The following SS18L1 variants were observed in gnomAD, a reference collection of about 807,000 sequenced individuals.
SS18L1 encodes calcium-responsive transactivator.
A neutral mutation model predicts 70.3 loss-of-function variants in SS18L1; 32 were observed. The ratio of observed to expected loss-of-function variants is 0.46; its 90% CI spans 0.34 to 0.61. The LOEUF is 0.61. Among genes scored for constraint, SS18L1 ranks in the 20% least tolerant of loss-of-function variants. SS18L1 has a pLI of 0.01. For synonymous variants in SS18L1, 237 were observed against 229.7 expected (o/e 1.03, Z -0.29); for missense variants, 430 against 542.1 (o/e 0.79, Z 2.05).
chr20:62,158,318 C>T lies in SS18L1; in HGVS notation c.70-354C>T, dbSNP rs754228950. 2.6e-5 allele frequency among the ~76,000 whole-genome samples: 4 copies of T among 151,836 alleles called. No individual in the cohort carries two copies. Among genetic ancestry groups the T allele is most frequent in the Admixed American group, 6.6e-5 (1 of 15,190 alleles). On this transcript the variant is annotated intron_variant, in intron 1 of 10. Coordinates refer to ENST00000331758, the MANE Select transcript of SS18L1 (RefSeq NM_198935.3). The surrounding 1 kb of genome is among the most constrained non-coding windows in gnomAD (Gnocchi z 4.5). ...CCCAGCACAGGGAGGTGTGAATGTT[C>T]GGTCTGTGGTGGCTGAGGCAATGCA...
At position 62,143,829 on chromosome 20, in the gene SS18L1, G is replaced by A. The variant is rs780273133; in HGVS notation, c.9G>A (p.Val3=). 7.4e-7 allele frequency: 1 copy of A among 1,344,604 alleles called. No individual in the cohort carries two copies. Among genetic ancestry groups the A allele is most frequent in the East Asian group, 4.1e-5 (1 of 24,560 alleles). The allele number at this position is 1,344,604 out of a possible 1,614,324, so 83.3% of individuals were successfully genotyped here. A position where few individuals can be genotyped will look rare whatever the true frequency, so the allele number is the denominator to read the frequency against. The change falls in exon 1 of 11, where the codon GTG becomes GTA. Residue 3 remains valine, a synonymous_variant. Transcript: ENST00000331758. Reference sequence around the variant, plus strand: ...AGCCCCGCGCCGCCACCATGTCCGTGGCCTTCGCGTCTGCCCGGCCAAGAG... The same window carrying A: ...AGCCCCGCGCCGCCACCATGTCCGTAGCCTTCGCGTCTGCCCGGCCAAGAG... MS[V]AFASARPRGK...
Position 62,161,291 on chromosome 20 carries a change from C to G in SS18L1, c.232-145C>G. 8.6e-7 allele frequency: 1 copy of G among 1,158,382 alleles called. No individual in the cohort carries two copies. The highest frequency in any genetic ancestry group is 1.4e-5 in the South Asian group (1 of 72,244). 71.8% of individuals were successfully genotyped at this position (1,158,382 alleles called of 1,614,324 possible). The stretch of plus-strand genomic sequence containing the variant: ...GTGCTCTGCGGTCACCTGGCTGTGA[C>G]GATGGCTGCTGATTACGAACATTGA... On this transcript the variant is annotated intron_variant, in intron 3 of 10. Transcript: ENST00000331758. The surrounding 1 kb of genome is among the most constrained non-coding windows in gnomAD (Gnocchi z 4.4).
rs2057337164 is a variant in SS18L1, at chr20:62,161,875, A to C, written c.376+295A>C. Among the ~76,000 whole-genome samples the C allele has an allele frequency of 6.6e-6, 1 of 152,228 alleles. No individual in the cohort carries two copies. The highest frequency in any genetic ancestry group is 1.9e-4 in the East Asian group (1 of 5,200). On this transcript the variant is annotated intron_variant, in intron 4 of 10. Transcript: ENST00000331758. The surrounding 1 kb of genome is among the most constrained non-coding windows in gnomAD (Gnocchi z 4.4). ...AGGTGGATTGTGTAATAGGAATGGA[A>C]TGCTCCTGTCTTTGGATTGAGAAGC...
intron 1 of SS18L1, among the ~76,000 whole-genome samples, chr20:62,155,718 G>A (rs2057210603): frequency 1.3e-5 from 2 of 152,216 alleles, no homozygotes; most frequent in South Asian, 4.1e-4. Context: ...ACCCTGAAAG[G>A]TGCCAGAATT....
rs745349489 is a variant in SS18L1, at chr20:62,181,160, G to A, written c.*1952G>A. On this transcript the variant is annotated 3_prime_UTR_variant, in exon 11 of 11. Transcript: ENST00000331758. ...GAGACGGATGTCACGCACAAATGGG[G>A]AGAGAAGTGTTTATTTTGTAGGCAC... 20 of 195,284 alleles carry A rather than the reference G, an allele frequency of 1.0e-4. No homozygotes were observed. Among genetic ancestry groups the A allele is most frequent in the South Asian group, 1.9e-4 (1 of 5,198 alleles). 12.1% of individuals were successfully genotyped at this position (195,284 alleles called of 1,614,324 possible). A position where few individuals can be genotyped will look rare whatever the true frequency, so the allele number is the denominator to read the frequency against.
intron 8 of SS18L1, among the ~76,000 whole-genome samples, chr20:62,172,454 A>G (rs1242276529): frequency 1.3e-5 from 2 of 152,218 alleles, no homozygotes; most frequent in Non-Finnish European, 2.9e-5. Flanking sequence ...GCTGGCGTTC[A>G]TCTCTGTCTT....
chr20:62,179,072 GT>G (rs1306147510), intron 10 of SS18L1, 109 bp from the exon 11 acceptor site: 2 of 1,195,932 alleles, frequency 1.7e-6, no homozygotes, highest in Non-Finnish European at 2.5e-6. Context: ...GTGAGCAGAG[GT>G]TGTTTGCTTG....
In SS18L1 at chr20:62,154,262, T is replaced by C. The variant is rs2057183222; in HGVS notation, c.70-4410T>C. The C allele has an allele frequency of 4.1e-6, 4 of 968,416 alleles. No homozygotes were observed. The South Asian group carries it at 2.0e-4, about 47-fold the overall frequency. 60.0% of individuals were successfully genotyped at this position (968,416 alleles called of 1,614,324 possible). On this transcript the variant is annotated intron_variant, in intron 1 of 10. Coordinates refer to ENST00000331758, the MANE Select transcript of SS18L1 (RefSeq NM_198935.3). ...GAGAACCACTTGTTCATCTTCCTTG[T>C]CTTTGATGACTCTGACAGTTTTTGA...
At chr20:62,150,758 C>G (rs2057115772) in intron 1 of SS18L1, among the ~76,000 whole-genome samples, 1 of 140,072 alleles carries the variant, frequency 7.1e-6, no homozygotes, top group Non-Finnish European at 1.5e-5. Context: ...GCTCAAGGGA[C>G]AGGTGAGGTC....
intron 1 of SS18L1, among the ~76,000 whole-genome samples, chr20:62,156,006 A>C (rs1301094433): frequency 7.6e-6 from 1 of 132,198 alleles, no homozygotes; most frequent in East Asian, 2.7e-4. Context: ...ATACATGAGA[A>C]AGTTCTCTGT....
intron 1 of SS18L1, among the ~76,000 whole-genome samples, chr20:62,156,281 A>G (rs544003976): frequency 6.6e-6 from 1 of 152,262 alleles, no homozygotes; most frequent in East Asian, 1.9e-4. Flanking sequence ...GAAAGGAAGA[A>G]AGCCCATAGT....
rs757598977 is a variant in SS18L1 at position 62,161,817 on chromosome 20, TC to T, written c.376+239del. Among the ~76,000 whole-genome samples the T allele has an allele frequency of 9.9e-5, 15 of 152,242 alleles. No homozygotes were observed. Among genetic ancestry groups the T allele is most frequent in the Non-Finnish European group, 1.9e-4 (13 of 68,044 alleles). On this transcript the variant is annotated intron_variant, in intron 4 of 10. Coordinates refer to ENST00000331758, the MANE Select transcript of SS18L1 (RefSeq NM_198935.3). The surrounding 1 kb of genome is among the most constrained non-coding windows in gnomAD (Gnocchi z 4.4). The stretch of plus-strand genomic sequence containing the variant: ...TCCACTCTCTCTGACACTGTCACGT[TC>T]CATCAAATTCAAATGCAAGTTGCGG...
At chr20:62,176,600 C>T (rs1245206668) in intron 10 of SS18L1, among the ~76,000 whole-genome samples, 3 of 151,948 alleles carry the variant, frequency 2.0e-5, no homozygotes, top group African/African-American at 7.3e-5. Context: ...AGATCACCTG[C>T]AGTCAGGAGT....
intron 8 of SS18L1, among the ~76,000 whole-genome samples, chr20:62,170,076 CGTGGCTCATT>C (rs1202132061): frequency 3.9e-5 from 6 of 152,188 alleles, no homozygotes; most frequent in Admixed American, 3.9e-4. Context: ...ACATGTTCCT[CGTGGCTCATT>C]GTGTCCACAT....
At chr20:62,153,092 C>T (rs1378124515) in intron 1 of SS18L1, among the ~76,000 whole-genome samples, 4 of 152,116 alleles carry the variant, frequency 2.6e-5, no homozygotes, top group African/African-American at 4.8e-5. Context: ...AGAATCATGG[C>T]GGAAGGGGAA....
intron 8 of SS18L1, among the ~76,000 whole-genome samples, chr20:62,167,629 C>T (rs915257410): frequency 2.6e-5 from 4 of 152,282 alleles, no homozygotes; most frequent in Admixed American, 6.5e-5. Context: ...GTGGTGCCTC[C>T]GTAAGCCCTG....
At chr20:62,169,326 A>G (rs895705945) in intron 8 of SS18L1, among the ~76,000 whole-genome samples, 3 of 152,168 alleles carry the variant, frequency 2.0e-5, no homozygotes, top group South Asian at 2.1e-4. Context: ...CACCAAAACA[A>G]CCAACACAAA....
chr20:62,175,391 T>C (rs752722079), intron 10 of SS18L1: 3 of 985,288 alleles, frequency 3.0e-6, no homozygotes, highest in Non-Finnish European at 3.6e-6. Context: ...GGACAGGGTC[T>C]GTGTGGTGGG....
chr20:62,154,244 A>G (rs548190436), intron 1 of SS18L1: 3 of 863,368 alleles, frequency 3.5e-6, no homozygotes, highest in Non-Finnish European at 4.2e-6. Flanking sequence ...GTTGAGAACC[A>G]CTTGTTCATC....
Sources: gnomAD v4.1 joint callset for allele counts (sites outside exome capture counted in the v4.1 genomes callset) on GRCh38, gnomAD v4.1.1 for gene constraint, Gnocchi (gnomAD v3.1) non-coding constraint, MANE v1.5 for transcripts, NCBI Gene and HGNC (gene_info 2026-07-23, HGNC 2026-07-21) for gene names.